The following COL4A6 variants were observed in gnomAD, a reference collection of about 807,000 sequenced individuals.
COL4A6 encodes collagen type IV alpha 6 chain, also known as collagen alpha-6(IV) chain.
In COL4A6, 59 loss-of-function variants were observed where a neutral mutation model predicts 126.7. That is an observed-to-expected ratio of 0.47 (90% confidence interval 0.38 to 0.58). The LOEUF (loss-of-function observed/expected upper bound fraction) is 0.58. Ranked by LOEUF, COL4A6 falls within the 20% of genes least tolerant of loss-of-function variation. The pLI, the probability that COL4A6 is intolerant of heterozygous loss-of-function variation, is 0.00. For synonymous variants in COL4A6, 547 were observed against 496.6 expected (o/e 1.10, Z -1.35); for missense variants, 1,285 against 1,337.3 (o/e 0.96, Z 0.61).
At chrX:108,192,176 G>C in intron 18 of COL4A6, among the ~76,000 whole-genome samples, 1 of 111,946 alleles carries the variant, frequency 8.9e-6, no homozygotes, top group Non-Finnish European at 1.9e-5. Context: ...GGGTGACACA[G>C]CTCCAGCAAC....
intron 2 of COL4A6, among the ~76,000 whole-genome samples, chrX:108,409,690 T>C (rs1338544721): frequency 3.6e-5 from 4 of 111,924 alleles, no homozygotes; most frequent in Non-Finnish European, 7.5e-5. Flanking sequence ...TGCTACCCTT[T>C]TAAATTTAAG....
chrX:108,408,885 C>T (rs1009403472), intron 2 of COL4A6, among the ~76,000 whole-genome samples: 5 of 111,599 alleles, frequency 4.5e-5, no homozygotes, highest in African/African-American at 9.8e-5. Context: ...TGCTTGAACC[C>T]GGGAGGCAGA....
At chrX:108,161,331 C>T (rs2033926728) in intron 42 of COL4A6, among the ~76,000 whole-genome samples, 1 of 111,606 alleles carries the variant, frequency 9.0e-6, no homozygotes, top group Non-Finnish European at 1.9e-5. Flanking sequence ...GGCAGGGGGC[C>T]ATCTGTAGTA....
rs377267530 is a variant in COL4A6, at chrX:108,165,830, G to A, written c.3692-344C>T. ...GCACCTGGACTTTTAAGTTTCCAAA[G>A]TGATTTTAAACCTGTCTGTGTCAAA... is the stretch of plus-strand genomic sequence containing the variant. On this transcript the variant is annotated intron_variant, in intron 37 of 44. Coordinates refer to ENST00000334504, the MANE Select transcript of COL4A6 (RefSeq NM_033641.4). Among the ~76,000 whole-genome samples, 18 of 112,720 alleles carry A rather than the reference G, an allele frequency of 1.6e-4. No homozygotes were observed. In the South Asian group the frequency reaches 6.6e-3, roughly 42 times the overall value.
chrX:108,347,432 GA>G (rs1263959326), intron 2 of COL4A6, among the ~76,000 whole-genome samples: 2 of 111,978 alleles, frequency 1.8e-5, no homozygotes, highest in African/African-American at 6.5e-5. Flanking sequence ...TCCTAATTAA[GA>G]GCTGCATTTC....
At chrX:108,178,188 C>T (rs1233588721) in intron 27 of COL4A6, among the ~76,000 whole-genome samples, 1 of 112,522 alleles carries the variant, frequency 8.9e-6, no homozygotes. Context: ...GCTGCAAACA[C>T]GAGTCTGGAA....
At chrX:108,196,324 T>C (rs2035212826) in intron 14 of COL4A6, among the ~76,000 whole-genome samples, 187 bp downstream of exon 14, 1 of 111,120 alleles carries the variant, frequency 9.0e-6, no homozygotes, top group African/African-American at 3.3e-5. Context: ...TCATTCCTTT[T>C]CAAGGGAGCC....
intron 2 of COL4A6, among the ~76,000 whole-genome samples, chrX:108,367,839 G>A (rs1232211004): frequency 1.8e-5 from 2 of 111,441 alleles, no homozygotes; most frequent in Non-Finnish European, 3.8e-5. Flanking sequence ...CACATCCTTC[G>A]GATATTAGCT....
chrX:108,273,499 A>G (rs894744857), intron 3 of COL4A6, among the ~76,000 whole-genome samples: 8 of 112,173 alleles, frequency 7.1e-5, no homozygotes, highest in African/African-American at 2.6e-4. Context: ...CCAAAGGATT[A>G]TAAATCATGC....
intron 3 of COL4A6, among the ~76,000 whole-genome samples, chrX:108,271,669 T>A (rs2037455243): frequency 1.8e-5 from 2 of 110,416 alleles, no homozygotes; most frequent in Admixed American, 1.9e-4. Context: ...AAAACACAAA[T>A]CATAACCAGA....
At chrX:108,301,323 G>C (rs772978135) in intron 3 of COL4A6, among the ~76,000 whole-genome samples, 1 of 112,238 alleles carries the variant, frequency 8.9e-6, no homozygotes, top group South Asian at 3.6e-4. Context: ...CCTTAAGCTT[G>C]GAATTCATTT....
intron 3 of COL4A6, among the ~76,000 whole-genome samples, chrX:108,224,001 G>C (rs2036092424): frequency 8.9e-6 from 1 of 112,232 alleles, no homozygotes; most frequent in Non-Finnish European, 1.9e-5. Context: ...GCTACTGAGA[G>C]AGCAGGTTGT....
chrX:108,339,280 A>G (rs2039504090), intron 2 of COL4A6, among the ~76,000 whole-genome samples: 1 of 112,191 alleles, frequency 8.9e-6, no homozygotes, highest in Non-Finnish European at 1.9e-5. Context: ...AGTTTATAGA[A>G]ATAACTCTAC....
rs1437994577 is a variant in COL4A6 at position 108,169,891 on chromosome X, C to T, written c.3565+54G>A. 3.4e-4 allele frequency: 373 copies of T among 1,087,774 alleles called. 3 individuals carry two copies. Among genetic ancestry groups the T allele is most frequent in the Non-Finnish European group, 3.1e-5 (25 of 802,189 alleles). 89.6% of individuals were successfully genotyped at this position (1,087,774 alleles called of 1,213,427 possible). On this transcript the variant is annotated intron_variant, in intron 36 of 44. Coordinates refer to ENST00000334504, the MANE Select transcript of COL4A6 (RefSeq NM_033641.4). ...GTCGAGAATTCATGGCCAGCCCTTG[C>T]CAGGCTTCTGGAAGAGCTGATGCCC...
intron 29 of COL4A6, 73 bp from the exon 30 acceptor site, chrX:108,175,288 A>C: frequency 9.4e-7 from 1 of 1,061,393 alleles, no homozygotes. Context: ...CTTTCACATC[A>C]TTTCTTCCCA....
chrX:108,192,382 T>C, intron 18 of COL4A6, 91 bp downstream of exon 18: 2 of 612,113 alleles, frequency 3.3e-6, no homozygotes, highest in Non-Finnish European at 2.6e-6. Flanking sequence ...TGGCTAGGTG[T>C]GTGCCCCGAC....
upstream of COL4A6, among the ~76,000 whole-genome samples, chrX:108,438,978 T>C (rs1166972275): frequency 8.9e-6 from 1 of 112,578 alleles, no homozygotes; most frequent in Non-Finnish European, 1.9e-5. Flanking sequence ...CTTTTGTTAC[T>C]TTAAAAAAAA....
At chrX:108,212,625 A>G (rs1489776511) in intron 6 of COL4A6, among the ~76,000 whole-genome samples, 4 of 110,981 alleles carry the variant, frequency 3.6e-5, no homozygotes, top group Non-Finnish European at 7.6e-5. Flanking sequence ...TAAAACAACA[A>G]CGTGATCCCA....
chrX:108,211,858 A>T (rs1276613583), intron 6 of COL4A6, 118 bp from the exon 7 acceptor site: 8 of 710,895 alleles, frequency 1.1e-5, no homozygotes, highest in Non-Finnish European at 1.7e-5. Flanking sequence ...GGCTTTTTCT[A>T]TGGCAAAATT....
Sources: allele counts gnomAD v4.1 joint callset (sites outside exome capture counted in the v4.1 genomes callset), GRCh38; gene constraint gnomAD v4.1.1; transcripts MANE v1.5; gene names NCBI Gene and HGNC (gene_info 2026-07-23, HGNC 2026-07-21).